The following ARHGEF3 variants were observed in gnomAD, a reference collection of about 807,000 sequenced individuals.
The protein encoded by ARHGEF3 is 59.8 kDA protein.
ARHGEF3 carries 28 observed loss-of-function variants against 63.2 expected under a neutral mutation model. That is an observed-to-expected ratio of 0.44 (90% confidence interval 0.33 to 0.61). The LOEUF is 0.61. Ranked by LOEUF, ARHGEF3 falls within the 20% of genes least tolerant of loss-of-function variation. ARHGEF3 has a pLI of 0.03. For synonymous variants in ARHGEF3, 266 were observed against 254.2 expected (o/e 1.05, Z -0.44); for missense variants, 533 against 659.3 (o/e 0.81, Z 2.10).
intron 2 of ARHGEF3, among the ~76,000 whole-genome samples, chr3:57,001,164 C>A (rs1443781202): frequency 6.6e-6 from 1 of 151,926 alleles, no homozygotes; most frequent in Non-Finnish European, 1.5e-5. Context: ...GGTCTTGAAC[C>A]CCTGGCCTCA....
At chr3:56,743,658 C>T (rs1389001241) in intron 7 of ARHGEF3, among the ~76,000 whole-genome samples, 5 of 152,148 alleles carry the variant, frequency 3.3e-5, no homozygotes. Flanking sequence ...GTTACTACTA[C>T]TTATTATTAA....
Position 56,746,506 on chromosome 3 carries a change from C to A in ARHGEF3, c.613-1044G>T, listed in dbSNP as rs913915531. On this transcript the variant is annotated intron_variant, in intron 6 of 9. Transcript: ENST00000296315. ...CAGCACATTGGGAAGCCGGGGCAGG[C>A]GGATCACGAGGTCAGGAGTTTAAGA... Among the ~76,000 whole-genome samples, 4 of 152,206 alleles carry A rather than the reference C, an allele frequency of 2.6e-5. 1 individual carries two copies. In the South Asian group the frequency reaches 8.3e-4, roughly 32 times the overall value.
In ARHGEF3 at chr3:56,923,075, TAA is replaced by T. The variant is rs1359975328; in HGVS notation, c.129+35746_129+35747del. 5.8e-4 allele frequency among the ~76,000 whole-genome samples: 74 copies of T among 127,714 alleles called. 1 individual carries two copies. The highest frequency in any genetic ancestry group is 1.8e-3 in the African/African-American group (58 of 31,526). The allele number at this position is 127,714 out of a possible 152,430, so 83.8% of individuals were successfully genotyped here. On this transcript the variant is annotated intron_variant, in intron 3 of 12. Coordinates refer to the ARHGEF3 transcript ENST00000338458. Reference sequence around the variant, plus strand: ...ATATATATATATATATATATATATATAAATTAGTTGGGCATGGTGGCGTGTGC... The same window carrying T: ...ATATATATATATATATATATATATATATTAGTTGGGCATGGTGGCGTGTGC...
intron 1 of ARHGEF3, among the ~76,000 whole-genome samples, chr3:56,779,486 A>C (rs896353000): frequency 6.7e-6 from 1 of 149,812 alleles, no homozygotes; most frequent in Non-Finnish European, 1.5e-5. Flanking sequence ...GTTTTTTTTT[A>C]TTTTTTTTTT....
intron 2 of ARHGEF3, among the ~76,000 whole-genome samples, chr3:57,008,048 C>G (rs1702534941): frequency 2.0e-5 from 3 of 152,314 alleles, no homozygotes; most frequent in East Asian, 1.9e-4. Flanking sequence ...GGCCTAACAC[C>G]ACGAGAATTT....
intron 4 of ARHGEF3, among the ~76,000 whole-genome samples, chr3:56,827,273 G>C (rs369320100): frequency 6.6e-6 from 1 of 152,144 alleles, no homozygotes; most frequent in African/African-American, 2.4e-5. Context: ...TAGAAATCAA[G>C]AAGCAAAGGA....
intron 2 of ARHGEF3, among the ~76,000 whole-genome samples, chr3:57,034,656 C>CTT (rs34696155): frequency 0.032 from 3,453 of 109,476 alleles, 356 homozygotes; most frequent in African/African-American, 0.12. Context: ...ACTCCAAATT[C>CTT]TTTTTTTTTT....
chr3:57,061,441 G>A (rs1378700370), intron 1 of ARHGEF3, among the ~76,000 whole-genome samples: 1 of 152,188 alleles, frequency 6.6e-6, no homozygotes, highest in Non-Finnish European at 1.5e-5. Flanking sequence ...AGCATTACAG[G>A]TGTGAGCCAT....
chr3:57,060,580 G>C (rs542038622), intron 1 of ARHGEF3: 2 of 152,372 alleles, frequency 1.3e-5, no homozygotes, highest in East Asian at 3.9e-4. Flanking sequence ...ATATCCCTTT[G>C]TTTGCTGGGA....
rs77916055 is a variant in ARHGEF3 at position 56,732,645 on chromosome 3, A to G, written c.1042-221T>C. ...GTAGAAGCACCTCCCTAGGGACTCA[A>G]TGGAGAAAGCCCTTCTGCCTACAGA... On this transcript the variant is annotated intron_variant, in intron 8 of 9. Transcript: ENST00000296315. Among the ~76,000 whole-genome samples the G allele has an allele frequency of 6.2e-4, 94 of 152,218 alleles. 2 individuals carry two copies. The highest frequency in any genetic ancestry group is 2.2e-3 in the African/African-American group (91 of 41,546).
At chr3:57,007,147 T>C in intron 2 of ARHGEF3, 1 of 1,237,734 alleles carries the variant, frequency 8.1e-7, no homozygotes, top group Non-Finnish European at 1.0e-6. Flanking sequence ...ATGTTATTCA[T>C]CCATAAAGAA....
At chr3:56,779,494 T>A (rs80163932) in intron 1 of ARHGEF3, among the ~76,000 whole-genome samples, 1 of 152,130 alleles carries the variant, frequency 6.6e-6, no homozygotes, top group African/African-American at 2.4e-5. Flanking sequence ...TTATTTTTTT[T>A]TTTTGTTTGT....
rs775023675 is a variant in ARHGEF3, at chr3:56,816,978, TC to T, written c.193-43163del. ...CCTGTGACGTTTTTGCTCACCAGCTTCCCCTGCTGATCAATCAGGGGGTTGG... is the reference window on the plus strand; with the variant it reads ...CCTGTGACGTTTTTGCTCACCAGCTTCCCTGCTGATCAATCAGGGGGTTGG... On this transcript the variant is annotated intron_variant, in intron 4 of 12. Transcript: ENST00000338458. Among the ~76,000 whole-genome samples the T allele has an allele frequency of 5.8e-4, 88 of 152,300 alleles. 1 individual carries two copies. The highest frequency in any genetic ancestry group is 1.1e-3 in the Non-Finnish European group (74 of 68,024).
intron 2 of ARHGEF3, among the ~76,000 whole-genome samples, chr3:57,009,381 TC>T (rs1702592524): frequency 1.3e-5 from 2 of 152,176 alleles, no homozygotes; most frequent in African/African-American, 4.8e-5. Flanking sequence ...CTTCTAAAGT[TC>T]CCCGGACCCT....
chr3:56,811,311 G>C (rs1194431549), intron 4 of ARHGEF3, among the ~76,000 whole-genome samples: 1 of 151,278 alleles, frequency 6.6e-6, no homozygotes, highest in African/African-American at 2.4e-5. Context: ...CTGTAGAGCA[G>C]AGAATGGGAG....
chr3:56,860,532 AC>A (rs2040038026), intron 4 of ARHGEF3, among the ~76,000 whole-genome samples: 1 of 152,238 alleles, frequency 6.6e-6, no homozygotes, highest in Non-Finnish European at 1.5e-5. Flanking sequence ...AAATGGGCAT[AC>A]AAAATATTCT....
intron 2 of ARHGEF3, among the ~76,000 whole-genome samples, chr3:56,995,145 A>G (rs1701919929): frequency 6.6e-6 from 1 of 152,162 alleles, no homozygotes; most frequent in Non-Finnish European, 1.5e-5. Flanking sequence ...TAGCAGTGTG[A>G]AAATGGACTA....
rs141805312 is a variant in ARHGEF3, at chr3:56,762,915, C to T, written c.205-7764G>A. Among the ~76,000 whole-genome samples, 1,068 of 152,296 alleles carry T rather than the reference C, an allele frequency of 7.0e-3. 4 individuals carry two copies. Among genetic ancestry groups the T allele is most frequent in the Non-Finnish European group, 0.01 (697 of 68,028 alleles). On this transcript the variant is annotated intron_variant, in intron 2 of 9. Coordinates refer to ENST00000296315, the MANE Select transcript of ARHGEF3 (RefSeq NM_019555.3). Reference sequence around the variant, plus strand: ...AATTAATGTTAAGTGAGAAGTAACACTTCCCAGCTGTGTGGTCTCTGTCAC... The same window carrying T: ...AATTAATGTTAAGTGAGAAGTAACATTTCCCAGCTGTGTGGTCTCTGTCAC...
intron 3 of ARHGEF3, among the ~76,000 whole-genome samples, chr3:56,882,539 A>G (rs1436153412): frequency 8.0e-6 from 1 of 124,832 alleles, no homozygotes; most frequent in Non-Finnish European, 1.6e-5. Context: ...TTTGAGACAG[A>G]GTCTCACTCT....
Sources: allele counts gnomAD v4.1 joint callset (sites outside exome capture counted in the v4.1 genomes callset), GRCh38; gene constraint gnomAD v4.1.1; transcripts MANE v1.5; gene names NCBI Gene and HGNC (gene_info 2026-07-23, HGNC 2026-07-21).